The following TMEM132B variants were observed in gnomAD, a reference collection of about 807,000 sequenced individuals.
TMEM132B encodes the protein transmembrane protein 132B.
A neutral mutation model predicts 90.8 loss-of-function variants in TMEM132B; 18 were observed. The observed-to-expected ratio is 0.20, with a 90% CI of 0.14 to 0.29. The LOEUF is 0.29. Among genes scored for constraint, TMEM132B ranks in the 10% least tolerant of loss-of-function variants. TMEM132B has a pLI of 1.00. For missense variants in TMEM132B, 1,096 were observed against 1,326.8 expected (o/e 0.83, Z 2.70); for synonymous variants, 504 against 523.3 (o/e 0.96, Z 0.50).
intron 5 of TMEM132B, among the ~76,000 whole-genome samples, chr12:125,603,537 A>G (rs539115743): frequency 5.3e-5 from 8 of 152,330 alleles, no homozygotes; most frequent in Middle Eastern, 6.8e-3. Context: ...GGACATAGGT[A>G]TGGGCAAAGA....
intron 2 of TMEM132B, among the ~76,000 whole-genome samples, chr12:125,373,540 G>T (rs1238192524): frequency 1.3e-5 from 2 of 152,186 alleles, no homozygotes; most frequent in East Asian, 3.9e-4. Flanking sequence ...CCAGAACTGT[G>T]AGAAAGTAAA....
chr12:125,293,988 A>G (rs1200827487), intron 1 of TMEM132B, among the ~76,000 whole-genome samples: 2 of 152,196 alleles, frequency 1.3e-5, no homozygotes, highest in Non-Finnish European at 2.9e-5. Flanking sequence ...GAGGAAGCCC[A>G]AGCCACCCCG....
At chr12:125,398,659 G>A (rs957299349) in intron 2 of TMEM132B, among the ~76,000 whole-genome samples, 5 of 152,126 alleles carry the variant, frequency 3.3e-5, no homozygotes, top group African/African-American at 9.7e-5. Context: ...CAGAAATCTG[G>A]GTTTTTATGT....
rs530932437 is a variant in TMEM132B at position 125,378,304 on chromosome 12, A to G, written c.959+27961A>G. Among the ~76,000 whole-genome samples the G allele has an allele frequency of 4.6e-5, 7 of 152,342 alleles. No homozygotes were observed. In the East Asian group the frequency reaches 7.7e-4, roughly 17 times the overall value. On this transcript the variant is annotated intron_variant, in intron 2 of 8. Transcript: ENST00000682704. ...TCCAGGAAGACTGGTTCAGATCCCT[A>G]TTCTGCCATGGACCAGCTGTGAGCT...
intron 3 of TMEM132B, among the ~76,000 whole-genome samples, chr12:125,484,329 CT>C (rs1220391268): frequency 6.6e-6 from 1 of 152,166 alleles, no homozygotes; most frequent in Non-Finnish European, 1.5e-5. Flanking sequence ...GCAACCATAT[CT>C]GCTTCCTTTA....
chr12:125,348,120 G>C (rs199520631), intron 1 of TMEM132B, among the ~76,000 whole-genome samples: 1 of 150,672 alleles, frequency 6.6e-6, no homozygotes, highest in African/African-American at 2.5e-5. Flanking sequence ...CACTTTATTT[G>C]TTTTTTTATC....
intron 4 of TMEM132B, among the ~76,000 whole-genome samples, chr12:125,550,572 T>C (rs985302115): frequency 6.6e-6 from 1 of 152,220 alleles, no homozygotes; most frequent in African/African-American, 2.4e-5. Context: ...CATTACCAAT[T>C]CATATTTTTC....
At chr12:125,584,123 C>T (rs747147772) in intron 5 of TMEM132B, 129 bp downstream of exon 5, 15 of 1,382,886 alleles carry the variant, frequency 1.1e-5, no homozygotes, top group Middle Eastern at 3.6e-4. Context: ...AATGACCTCA[C>T]GAAGGAGGAA....
At chr12:125,569,508 T>G (rs1884739727) in intron 4 of TMEM132B, among the ~76,000 whole-genome samples, 1 of 152,152 alleles carries the variant, frequency 6.6e-6, no homozygotes, top group South Asian at 2.1e-4. Flanking sequence ...GAGGATGTCC[T>G]TTTTACCATG....
At chr12:125,340,528 T>C (rs148894975) in intron 1 of TMEM132B, among the ~76,000 whole-genome samples, 108 of 152,176 alleles carry the variant, frequency 7.1e-4, no homozygotes, top group African/African-American at 2.4e-3. Flanking sequence ...CAGCATAACA[T>C]GGTGGTGGAA....
At chr12:125,412,043 A>G (rs1343718092) in intron 2 of TMEM132B, among the ~76,000 whole-genome samples, 1 of 152,036 alleles carries the variant, frequency 6.6e-6, no homozygotes, top group Non-Finnish European at 1.5e-5. Flanking sequence ...GAAATGCTCT[A>G]TGGAAGATTT....
chr12:125,462,616 A>G (rs759453344), intron 3 of TMEM132B, among the ~76,000 whole-genome samples: 2 of 152,178 alleles, frequency 1.3e-5, no homozygotes, highest in Non-Finnish European at 2.9e-5. Flanking sequence ...ATGTCCCCGA[A>G]GTGAGGCATG....
At chr12:125,307,999 A>G (rs1008070418) in intron 1 of TMEM132B, among the ~76,000 whole-genome samples, 5 of 124,138 alleles carry the variant, frequency 4.0e-5, no homozygotes, top group Admixed American at 8.4e-5. Flanking sequence ...ATAAATATAT[A>G]TAAGTAATAT....
At chr12:125,254,327 A>G (rs1874381962) in intron 1 of TMEM132B, among the ~76,000 whole-genome samples, 1 of 152,172 alleles carries the variant, frequency 6.6e-6, no homozygotes. Context: ...GAAGAAGAGC[A>G]AAACCAAAAA....
At position 125,655,590 on chromosome 12, in the gene TMEM132B, C is replaced by T. The variant is rs902404682; in HGVS notation, c.*880C>T. 10 of 152,136 alleles carry T rather than the reference C, an allele frequency of 6.6e-5. No homozygotes were observed. The highest frequency in any genetic ancestry group is 1.2e-4 in the Non-Finnish European group (8 of 68,018). 9.4% of individuals were successfully genotyped at this position (152,136 alleles called of 1,614,324 possible). A position where few individuals can be genotyped will look rare whatever the true frequency, so the allele number is the denominator to read the frequency against. The stretch of plus-strand genomic sequence containing the variant: ...CACAAACATTTATTTTTATTCTCTG[C>T]TTGTTGAAAACTCATGGGGAACTCC... On this transcript the variant is annotated 3_prime_UTR_variant, in exon 9 of 9. Transcript: ENST00000682704.
At chr12:125,529,008 C>A (rs530443692) in intron 4 of TMEM132B, among the ~76,000 whole-genome samples, 1 of 142,224 alleles carries the variant, frequency 7.0e-6, no homozygotes, top group Non-Finnish European at 1.5e-5. Flanking sequence ...CTTCCTTCTT[C>A]TCCTTTCTTC....
At position 125,610,617 on chromosome 12, in the gene TMEM132B, A is replaced by ATC. The variant is rs138076677; in HGVS notation, c.1437+26645_1437+26646dup. On this transcript the variant is annotated intron_variant, in intron 5 of 8. Transcript: ENST00000682704. Reference sequence around the variant, plus strand: ...AAATCTCATTAGGTTATGGTGTAAAATCTCTCTCTCTCTCTCTCTCTCTGT... The same window carrying ATC: ...AAATCTCATTAGGTTATGGTGTAAAATCTCTCTCTCTCTCTCTCTCTCTCTGT... 4.7e-3 allele frequency among the ~76,000 whole-genome samples: 681 copies of ATC among 145,044 alleles called. 7 individuals carry two copies. The highest frequency in any genetic ancestry group is 0.015 in the South Asian group (67 of 4,530).
At chr12:125,617,387 C>T (rs1039804878) in intron 5 of TMEM132B, among the ~76,000 whole-genome samples, 3 of 150,696 alleles carry the variant, frequency 2.0e-5, no homozygotes, top group African/African-American at 7.3e-5. Flanking sequence ...CTCTTATTGC[C>T]CAGGCTGGAG....
At chr12:125,477,503 C>T (rs867984028) in intron 3 of TMEM132B, among the ~76,000 whole-genome samples, 13 of 149,282 alleles carry the variant, frequency 8.7e-5, no homozygotes, top group Non-Finnish European at 1.5e-4. Context: ...GAAAAAATTC[C>T]GTAATTTTTT....
Sources: gnomAD v4.1 joint callset for allele counts (sites outside exome capture counted in the v4.1 genomes callset) on GRCh38, gnomAD v4.1.1 for gene constraint, MANE v1.5 for transcripts, NCBI Gene and HGNC (gene_info 2026-07-23, HGNC 2026-07-21) for gene names.